Variants in NRL observed in about 807,000 individuals in gnomAD.
NRL encodes the protein neural retina-specific leucine zipper protein.
NRL carries 16 observed loss-of-function variants against 12.5 expected under a neutral mutation model. The observed-to-expected ratio is 1.28, with a 90% CI of 0.87 to 1.95. NRL has a LOEUF of 1.95. NRL is among the 30% of genes most tolerant of loss of function. The pLI is 0.00. For missense variants in NRL, 314 were observed against 325.8 expected (o/e 0.96, Z 0.28); for synonymous variants, 142 against 150.9 (o/e 0.94, Z 0.43).
chr14:24,098,019 G>A lies in NRL; in HGVS notation c.-27-15144C>T, dbSNP rs539251101. ...TGCCAGGGGCAGAGACCCCCAGAGG[G>A]CTGGGACCTTGGGGAACACCCCTTA... On this transcript the variant is annotated intron_variant, in intron 1 of 2. Transcript: ENST00000561028. Among the ~76,000 whole-genome samples the A allele has an allele frequency of 8.5e-5, 13 of 152,218 alleles. No individual in the cohort carries two copies. The South Asian group carries it at 2.5e-3, about 29-fold the overall frequency.
Position 24,104,118 on chromosome 14 carries a change from CT to C in NRL, c.-28+10603del, listed in dbSNP as rs892260032. Reference sequence around the variant, plus strand: ...CTGTCCAATAATAAGAGATGCTTATCTATTTTACACAAGATTTGTGCTGTTT... The same window carrying C: ...CTGTCCAATAATAAGAGATGCTTATCATTTTACACAAGATTTGTGCTGTTT... On this transcript the variant is annotated intron_variant, in intron 1 of 2. Transcript: ENST00000561028. 1.3e-5 allele frequency: 8 copies of C among 618,280 alleles called. No homozygotes were observed. The African/African-American group carries it at 1.5e-4, about 11-fold the overall frequency. The allele number at this position is 618,280 out of a possible 1,614,324, so 38.3% of individuals were successfully genotyped here. A position where few individuals can be genotyped will look rare whatever the true frequency, so the allele number is the denominator to read the frequency against.
At chr14:24,102,886 C>T (rs945299391) in intron 1 of NRL, 2 of 1,613,220 alleles carry the variant, frequency 1.2e-6, no homozygotes, top group Non-Finnish European at 1.7e-6. Flanking sequence ...GCCGCAGACC[C>T]AAAGGTAAAC....
chr14:24,102,681 T>G, intron 1 of NRL: 1 of 1,279,964 alleles, frequency 7.8e-7, no homozygotes, highest in Non-Finnish European at 1.1e-6. Flanking sequence ...TGCAAGAATG[T>G]GTGCCCATGT....
At chr14:24,096,104 T>G (rs1268035568) in intron 1 of NRL, among the ~76,000 whole-genome samples, 5 of 152,134 alleles carry the variant, frequency 3.3e-5, no homozygotes, top group African/African-American at 4.8e-5. Context: ...CCATTTTAAT[T>G]TATAAAAAAC....
At chr14:24,090,484 C>A (rs2036591954) in intron 1 of NRL, among the ~76,000 whole-genome samples, 1 of 152,204 alleles carries the variant, frequency 6.6e-6, no homozygotes. Context: ...AGGAAGCGGG[C>A]ATTGCATTTG....
At chr14:24,098,009 C>A (rs2036969428) in intron 1 of NRL, among the ~76,000 whole-genome samples, 1 of 151,946 alleles carries the variant, frequency 6.6e-6, no homozygotes, top group Non-Finnish European at 1.5e-5. Flanking sequence ...GGGGCAGAGA[C>A]CCCCAGAGGG....
Position 24,114,849 on chromosome 14 carries a change from G to A in NRL, c.-155C>T. 2 of 985,956 alleles carry A rather than the reference G, an allele frequency of 2.0e-6. No individual in the cohort carries two copies. The highest frequency in any genetic ancestry group is 2.4e-6 in the Non-Finnish European group (2 of 829,956). The allele number at this position is 985,956 out of a possible 1,614,324, so 61.1% of individuals were successfully genotyped here. Reference sequence around the variant, plus strand: ...GAGCGAAGCGCGTGACGGAGGAGCGGTTGGCCAACGCAGTGGCGGCAGTCG... The same window carrying A: ...GAGCGAAGCGCGTGACGGAGGAGCGATTGGCCAACGCAGTGGCGGCAGTCG... On this transcript the variant is annotated 5_prime_UTR_variant, in exon 1 of 3. Transcript: ENST00000561028.
intron 2 of NRL, chr14:24,082,179 C>T (rs2036332075): frequency 1.7e-6 from 1 of 604,802 alleles, no homozygotes; most frequent in Non-Finnish European, 2.1e-6. Flanking sequence ...TGTTTACCCC[C>T]CGGAGTCGCC....
At chr14:24,091,573 C>A (rs2036632784) in intron 1 of NRL, among the ~76,000 whole-genome samples, 2 of 152,044 alleles carry the variant, frequency 1.3e-5, no homozygotes, top group Non-Finnish European at 1.5e-5. Context: ...GTGATATGAT[C>A]TAATTTTTAA....
chr14:24,094,536 C>A lies in NRL; in HGVS notation c.-27-11661G>T. ...CTGCTCTCAGCCTCCGCCAGGTTTC[C>A]CATCCTAGGCGGAGGCGGGCAGGGG... On this transcript the variant is annotated intron_variant, in intron 1 of 2. Transcript: ENST00000561028. This position sits in a 1 kb window ranked among gnomAD's most constrained non-coding sequence, Gnocchi z 4.1. The A allele has an allele frequency of 1.4e-6, 2 of 1,441,044 alleles. No individual in the cohort carries two copies. The highest frequency in any genetic ancestry group is 1.8e-6 in the Non-Finnish European group (2 of 1,102,158). The allele number at this position is 1,441,044 out of a possible 1,614,324, so 89.3% of individuals were successfully genotyped here.
At chr14:24,109,903 C>T (rs937443153) in intron 1 of NRL, among the ~76,000 whole-genome samples, 2 of 152,000 alleles carry the variant, frequency 1.3e-5, no homozygotes, top group Non-Finnish European at 2.9e-5. Context: ...AGATTTTATT[C>T]AGGTTTAAAC....
At position 24,114,724 on chromosome 14, in the gene NRL, A is replaced by G. The variant is rs2037497543; in HGVS notation, c.-30T>C. On this transcript the variant is annotated splice_region_variant and 5_prime_UTR_variant, in exon 1 of 3. Coordinates refer to ENST00000561028, the MANE Select transcript of NRL (RefSeq NM_001354768.3). ...ACCTCGCGCATTCTCCCGCCTACCT[A>G]TCAATCATCGTGCTCCGCTGTCCAG... 2 of 985,974 alleles carry G rather than the reference A, an allele frequency of 2.0e-6. No individual in the cohort carries two copies. The highest frequency in any genetic ancestry group is 3.5e-5 in the African/African-American group (2 of 57,364). 61.1% of individuals were successfully genotyped at this position (985,974 alleles called of 1,614,324 possible).
chr14:24,108,026 C>G (rs777268520), intron 1 of NRL, among the ~76,000 whole-genome samples: 2 of 152,140 alleles, frequency 1.3e-5, no homozygotes, highest in Non-Finnish European at 2.9e-5. Flanking sequence ...CAAATTGTCC[C>G]ACATTTGGCT....
chr14:24,079,911 TTGG>T lies in NRL; in HGVS notation c.*1322_*1324del, dbSNP rs1020026606. Among the ~76,000 whole-genome samples, 2 of 152,090 alleles carry T rather than the reference TTGG, an allele frequency of 1.3e-5. No homozygotes were observed. Among genetic ancestry groups the T allele is most frequent in the African/African-American group, 4.8e-5 (2 of 41,484 alleles). ...AGCTGGGCCACTGAGGCTTCTGAGT[TTGG>T]TGGTGGTGGTGGTGAGAGGGGGAGG... On this transcript the variant is annotated 3_prime_UTR_variant, in exon 3 of 3. Coordinates refer to ENST00000561028, the MANE Select transcript of NRL (RefSeq NM_001354768.3).
chr14:24,105,139 G>C (rs2037316652), intron 1 of NRL, among the ~76,000 whole-genome samples: 1 of 152,242 alleles, frequency 6.6e-6, no homozygotes. Flanking sequence ...GGGAAACAAA[G>C]GGATGGGCCA....
chr14:24,111,871 A>AT (rs1469272774), intron 1 of NRL, among the ~76,000 whole-genome samples: 1 of 123,936 alleles, frequency 8.1e-6, no homozygotes, highest in African/African-American at 3.2e-5. Flanking sequence ...TTCCAACACT[A>AT]TGTTGAATAG....
intron 1 of NRL, among the ~76,000 whole-genome samples, chr14:24,105,162 G>A (rs970413488): frequency 2.0e-5 from 3 of 152,334 alleles, no homozygotes; most frequent in African/African-American, 7.2e-5. Context: ...ATGAAGAGAT[G>A]GGCTCTGGCT....
chr14:24,083,120 C>T (rs968882959), intron 1 of NRL, among the ~76,000 whole-genome samples: 5 of 152,220 alleles, frequency 3.3e-5, no homozygotes, highest in African/African-American at 4.8e-5. Flanking sequence ...CACAGCCTCT[C>T]GCCCCACTGA....
intron 1 of NRL, among the ~76,000 whole-genome samples, chr14:24,101,488 G>T (rs1202643556): frequency 6.6e-6 from 1 of 152,172 alleles, no homozygotes. Context: ...CCCCCTCCAG[G>T]ACACCTGAAG....
Sources: allele counts gnomAD v4.1 joint callset (sites outside exome capture counted in the v4.1 genomes callset), GRCh38; gene constraint gnomAD v4.1.1; non-coding constraint Gnocchi (gnomAD v3.1); transcripts MANE v1.5; gene names NCBI Gene and HGNC (gene_info 2026-07-23, HGNC 2026-07-21).